Variants in CACNA2D3 observed in about 807,000 individuals in gnomAD.
The protein encoded by CACNA2D3 is voltage-dependent calcium channel subunit alpha-2/delta-3.
In CACNA2D3, 60 loss-of-function variants were observed where a neutral mutation model predicts 160.6. The observed-to-expected ratio is 0.37, with a 90% CI of 0.30 to 0.46. The LOEUF is 0.46. Ranked by LOEUF, CACNA2D3 falls within the 20% of genes least tolerant of loss-of-function variation. The pLI is 1.00. For missense variants in CACNA2D3, 1,205 were observed against 1,365.0 expected, an observed-to-expected ratio of 0.88 and a Z score of 1.85; for synonymous variants, 558 against 492.9, an observed-to-expected ratio of 1.13 and a Z score of -1.75.
chr3:54,597,985 A>G (rs111832431), intron 9 of CACNA2D3, among the ~76,000 whole-genome samples: 2 of 151,890 alleles, frequency 1.3e-5, no homozygotes, highest in Non-Finnish European at 2.9e-5. Flanking sequence ...CCATCCATAG[A>G]GCGAGGATCA....
rs1559594919 is a variant in CACNA2D3, at chr3:54,821,680, CTTTCTTTCT to C, written c.1398+4813_1398+4821del. Among the ~76,000 whole-genome samples, 14 of 130,048 alleles carry C rather than the reference CTTTCTTTCT, an allele frequency of 1.1e-4. No individual in the cohort carries two copies. In the East Asian group the frequency reaches 2.7e-3, roughly 25 times the overall value. 85.3% of individuals were successfully genotyped at this position (130,048 alleles called of 152,430 possible). On this transcript the variant is annotated intron_variant, in intron 14 of 37. Transcript: ENST00000474759. ...TCTTTCTTTCTTTCTTTCTTTCTTTCTTTCTTTCTTTCTTTCTTTCCTTCCTTCCTTCTT... is the reference window on the plus strand; with the variant it reads ...TCTTTCTTTCTTTCTTTCTTTCTTTCTTCTTTCTTTCCTTCCTTCCTTCTT...
In CACNA2D3 at chr3:54,673,864, C is replaced by G. The variant is rs144239113; in HGVS notation, c.1167+31623C>G. The stretch of plus-strand genomic sequence containing the variant: ...CCTGTGAGGTGAAAGGCCCTTCACT[C>G]TCTCCTCTCCACCCTGGAATCCAGC... On this transcript the variant is annotated intron_variant, in intron 11 of 37. Transcript: ENST00000474759. Among the ~76,000 whole-genome samples, 316 of 152,318 alleles carry G rather than the reference C, an allele frequency of 2.1e-3. 1 individual carries two copies. The highest frequency in any genetic ancestry group is 2.8e-3 in the Non-Finnish European group (189 of 68,030).
intron 9 of CACNA2D3, among the ~76,000 whole-genome samples, chr3:54,602,521 A>AT (rs1703081292): frequency 7.0e-6 from 1 of 143,332 alleles, no homozygotes; most frequent in Non-Finnish European, 1.5e-5. Context: ...AAAAAAAAAA[A>AT]GGGAAAAAAG....
At chr3:54,686,687 A>T (rs1462031983) in intron 11 of CACNA2D3, among the ~76,000 whole-genome samples, 1 of 152,224 alleles carries the variant, frequency 6.6e-6, no homozygotes, top group African/African-American at 2.4e-5. Context: ...ACACTATTTG[A>T]CATCTCATGA....
In CACNA2D3 at chr3:54,832,400, G is replaced by A. The variant is rs1251934672; in HGVS notation, c.1399-4759G>A. Among the ~76,000 whole-genome samples the A allele has an allele frequency of 2.0e-5, 3 of 152,070 alleles. No individual in the cohort carries two copies. In the East Asian group the frequency reaches 5.8e-4, roughly 29 times the overall value. ...ACCTTGTGGTTGGACGGGGTGAAGA[G>A]GACTTTCCTAAAGGAAGTGGGTGAT... On this transcript the variant is annotated intron_variant, in intron 14 of 37. Coordinates refer to ENST00000474759, the MANE Select transcript of CACNA2D3 (RefSeq NM_018398.3).
At chr3:55,065,928 A>G (rs1382561145) in intron 35 of CACNA2D3, among the ~76,000 whole-genome samples, 2 of 152,238 alleles carry the variant, frequency 1.3e-5, no homozygotes, top group African/African-American at 4.8e-5. Flanking sequence ...CATTGCATCA[A>G]TAATCATAAG....
chr3:54,969,843 A>T lies in CACNA2D3; in HGVS notation c.2555A>T (p.Glu852Val), dbSNP rs1702231794. ...AAATGCTCCATCAGCTGTGATGATGAGGTAAGACGGCCTCCTGGTCCTGTT... is the reference window on the plus strand; with the variant it reads ...AAATGCTCCATCAGCTGTGATGATGTGGTAAGACGGCCTCCTGGTCCTGTT... ...DGKCSISCDD[E>V]TVNCYLIDNN... Residue 852 changes from glutamate to valine, a missense_variant and splice_region_variant, in exon 29 of 38, where the codon GAG becomes GTG. Glu to Val is a moderately radical substitution (Grantham distance 121, BLOSUM62 -2). Around this residue, in one of 3 missense-constraint regions of CACNA2D3, gnomAD observed 911 missense variants for 1,002.2 expected, o/e 0.91. Coordinates refer to ENST00000474759, the MANE Select transcript of CACNA2D3 (RefSeq NM_018398.3). 7.4e-6 allele frequency: 12 copies of T among 1,612,852 alleles called. No individual in the cohort carries two copies. The highest frequency in any genetic ancestry group is 9.3e-6 in the Non-Finnish European group (11 of 1,179,306).
intron 4 of CACNA2D3, among the ~76,000 whole-genome samples, chr3:54,464,574 G>A (rs1052425071): frequency 2.0e-5 from 3 of 152,182 alleles, no homozygotes; most frequent in Non-Finnish European, 2.9e-5. Context: ...AGGACCCTCC[G>A]AGCCAAGTGC....
At position 54,569,262 on chromosome 3, in the gene CACNA2D3, T is replaced by C. The variant is rs138640009; in HGVS notation, c.677-533T>C. On this transcript the variant is annotated intron_variant, in intron 6 of 37. Transcript: ENST00000474759. ...GCATAATGAGAGCCATTTTATTTCATTTCAATGTGGAAAGCCAGGCCAAAA... is the reference window on the plus strand; with the variant it reads ...GCATAATGAGAGCCATTTTATTTCACTTCAATGTGGAAAGCCAGGCCAAAA... 6.1e-3 allele frequency among the ~76,000 whole-genome samples: 934 copies of C among 152,332 alleles called. 15 individuals are homozygous for C. Among genetic ancestry groups the C allele is most frequent in the East Asian group, 0.032 (167 of 5,172 alleles).
chr3:54,856,770 G>GT (rs1293268025), intron 17 of CACNA2D3, among the ~76,000 whole-genome samples: 1 of 152,050 alleles, frequency 6.6e-6, no homozygotes, highest in East Asian at 1.9e-4. Context: ...AAGGATGATG[G>GT]TTTTTTCGTT....
intron 2 of CACNA2D3, among the ~76,000 whole-genome samples, chr3:54,256,508 C>G (rs888496525): frequency 6.6e-6 from 1 of 152,070 alleles, no homozygotes; most frequent in Non-Finnish European, 1.5e-5. Flanking sequence ...GATTATAAAT[C>G]AATAGGCATT....
intron 32 of CACNA2D3, among the ~76,000 whole-genome samples, chr3:55,005,492 A>C (rs950691058): frequency 3.3e-5 from 5 of 152,150 alleles, no homozygotes; most frequent in Non-Finnish European, 7.4e-5. Flanking sequence ...TTTTCCTTTT[A>C]GTTTGTAACA....
chr3:54,245,690 G>T (rs1702058921), intron 2 of CACNA2D3, among the ~76,000 whole-genome samples: 1 of 152,178 alleles, frequency 6.6e-6, no homozygotes, highest in Non-Finnish European at 1.5e-5. Flanking sequence ...GCCTGCCTTT[G>T]GGAAGGTCAC....
At chr3:54,403,401 A>ACACACG (rs1240772224) in intron 4 of CACNA2D3, among the ~76,000 whole-genome samples, 1 of 151,034 alleles carries the variant, frequency 6.6e-6, no homozygotes, top group African/African-American at 2.4e-5. Context: ...ACACACACGC[A>ACACACG]CACACAATAA....
At chr3:54,743,030 G>T (rs1701685037) in intron 11 of CACNA2D3, among the ~76,000 whole-genome samples, 1 of 152,194 alleles carries the variant, frequency 6.6e-6, no homozygotes, top group Non-Finnish European at 1.5e-5. Flanking sequence ...GAAAAGTATT[G>T]AAAATAGAGT....
chr3:55,038,313 G>A (rs1027163519), intron 35 of CACNA2D3, among the ~76,000 whole-genome samples: 2 of 152,148 alleles, frequency 1.3e-5, no homozygotes, highest in East Asian at 1.9e-4. Flanking sequence ...CAATTTTCAC[G>A]CAGGAGACGC....
intron 13 of CACNA2D3, among the ~76,000 whole-genome samples, chr3:54,804,521 C>T (rs571277194): frequency 1.3e-5 from 2 of 152,158 alleles, no homozygotes; most frequent in Non-Finnish European, 2.9e-5. Flanking sequence ...TATATATGCA[C>T]CCAATACAGG....
chr3:54,347,559 A>G lies in CACNA2D3; in HGVS notation c.321+27001A>G, dbSNP rs141848114. 1.9e-3 allele frequency among the ~76,000 whole-genome samples: 286 copies of G among 152,284 alleles called. 2 individuals are homozygous for G. The highest frequency in any genetic ancestry group is 6.5e-3 in the African/African-American group (272 of 41,546). ...AATAAACACCCTAAACGCAGAATCT[A>G]CTTATTTCTATATTAAACATCAGAT... is the stretch of plus-strand genomic sequence containing the variant. On this transcript the variant is annotated intron_variant, in intron 3 of 37. Transcript: ENST00000474759.
At chr3:54,319,093 C>G (rs1049600828) in intron 2 of CACNA2D3, among the ~76,000 whole-genome samples, 3 of 151,578 alleles carry the variant, frequency 2.0e-5, no homozygotes, top group African/African-American at 7.3e-5. Flanking sequence ...TCAGGATACC[C>G]AGTATTACTG....
Sources: gnomAD v4.1 joint callset for allele counts (sites outside exome capture counted in the v4.1 genomes callset) on GRCh38, gnomAD v4.1.1 for gene constraint, gnomAD v4.1.1 regional missense constraint, MANE v1.5 for transcripts, NCBI Gene and HGNC (gene_info 2026-07-23, HGNC 2026-07-21) for gene names.